The following SRGAP3 variants were observed in gnomAD, a reference collection of about 807,000 sequenced individuals.
SRGAP3 encodes the protein SLIT-ROBO Rho GTPase-activating protein 3.
Under a neutral mutation model 121.1 loss-of-function variants are expected in SRGAP3, and 39 were observed. The ratio of observed to expected loss-of-function variants is 0.32; its 90% CI spans 0.25 to 0.42. The LOEUF (loss-of-function observed/expected upper bound fraction) is 0.42, where lower values mean the gene tolerates loss of function less well. SRGAP3 is among the 10% of genes least tolerant of loss of function. The pLI, the probability that SRGAP3 is intolerant of heterozygous loss-of-function variation, is 1.00. For synonymous variants in SRGAP3, 601 were observed against 570.0 expected (o/e 1.05, Z -0.77); for missense variants, 1,213 against 1,470.6 (o/e 0.82, Z 2.86).
At chr3:9,073,191 T>G (rs530408813) in intron 4 of SRGAP3, among the ~76,000 whole-genome samples, 2 of 152,380 alleles carry the variant, frequency 1.3e-5, no homozygotes, top group Non-Finnish European at 2.9e-5. Flanking sequence ...TCCCCCAGGC[T>G]GGAGTGCAGT....
intron 1 of SRGAP3, among the ~76,000 whole-genome samples, chr3:9,170,376 A>G (rs1950932865): frequency 1.3e-5 from 2 of 152,150 alleles, no homozygotes; most frequent in Admixed American, 1.3e-4. Flanking sequence ...AAACACTCAC[A>G]TGACAGCCTC....
rs1459473898 is a variant in SRGAP3 at position 9,356,277 on chromosome 3, C to T, written n.214+6563G>A. ...CACGATCTTGGCTCACTGCAACCTC[C>T]ACCTCCCAGGCTCAAGCAATCCTCC... On this transcript the variant is annotated intron_variant and non_coding_transcript_variant, in intron 1 of 3. Transcript: ENST00000490889. Among the ~76,000 whole-genome samples, 5 of 149,458 alleles carry T rather than the reference C, an allele frequency of 3.3e-5. No individual in the cohort carries two copies. The East Asian group carries it at 9.7e-4, about 29-fold the overall frequency.
At chr3:9,288,148 T>TC (rs1553567475) in intron 3 of SRGAP3, among the ~76,000 whole-genome samples, 82 of 150,596 alleles carry the variant, frequency 5.4e-4, no homozygotes, top group Non-Finnish European at 7.8e-4. Context: ...TTTTTTTTTT[T>TC]CTTTGGAGAC....
At chr3:9,083,817 G>A (rs549292563) in intron 3 of SRGAP3, among the ~76,000 whole-genome samples, 1 of 151,968 alleles carries the variant, frequency 6.6e-6, no homozygotes, top group Non-Finnish European at 1.5e-5. Context: ...TCCCTCACAC[G>A]CTCCTGACTC....
chr3:9,198,932 C>G (rs1456198174), intron 1 of SRGAP3, among the ~76,000 whole-genome samples: 1 of 152,204 alleles, frequency 6.6e-6, no homozygotes, highest in East Asian at 1.9e-4. Context: ...GGGCAGCAAG[C>G]AGACACACTG....
intron 5 of SRGAP3, 145 bp from the exon 6 acceptor site, chr3:9,060,504 T>G: frequency 8.8e-7 from 1 of 1,142,160 alleles, no homozygotes; most frequent in Non-Finnish European, 1.2e-6. Flanking sequence ...ATAGCTCACT[T>G]CAGCCTTAAC....
chr3:9,291,799 C>A (rs577993207), intron 3 of SRGAP3, among the ~76,000 whole-genome samples: 1 of 152,060 alleles, frequency 6.6e-6, no homozygotes, highest in Non-Finnish European at 1.5e-5. Flanking sequence ...ATAGTTTATA[C>A]CCTTTCAGCA....
At chr3:9,078,461 C>T (rs1051253157) in intron 4 of SRGAP3, among the ~76,000 whole-genome samples, 5 of 152,100 alleles carry the variant, frequency 3.3e-5, no homozygotes, top group Non-Finnish European at 5.9e-5. Flanking sequence ...ACCCTTCCCC[C>T]CACCGTGAGT....
In SRGAP3 at chr3:9,037,903, G is replaced by A. The variant is rs576846179; in HGVS notation, c.1436+160C>T. ...TCAGTCTAATGCTAGAACAAGCAAA[G>A]CAGCAACTGTGCCTCACCTGGGCAC... On this transcript the variant is annotated intron_variant, in intron 11 of 21. Coordinates refer to ENST00000383836, the MANE Select transcript of SRGAP3 (RefSeq NM_014850.4). 6.7e-5 allele frequency: 62 copies of A among 929,826 alleles called. No homozygotes were observed. The African/African-American group carries it at 8.6e-4, about 13-fold the overall frequency. The allele number at this position is 929,826 out of a possible 1,614,324, so 57.6% of individuals were successfully genotyped here.
At chr3:9,138,044 C>T (rs1355898773) in intron 1 of SRGAP3, among the ~76,000 whole-genome samples, 2 of 152,196 alleles carry the variant, frequency 1.3e-5, no homozygotes, top group Non-Finnish European at 2.9e-5. Context: ...TTTCCAGCTG[C>T]GTCCTCTGAC....
intron 1 of SRGAP3, among the ~76,000 whole-genome samples, chr3:9,136,135 C>G (rs561713029): frequency 7.9e-5 from 12 of 152,328 alleles, no homozygotes; most frequent in African/African-American, 2.6e-4. Context: ...TGTGCTGGTT[C>G]CCCTTCCCCG....
intron 3 of SRGAP3, among the ~76,000 whole-genome samples, chr3:9,313,678 T>TA (rs200875584): frequency 0.044 from 6,122 of 138,376 alleles, 265 homozygotes; most frequent in African/African-American, 0.11. Context: ...CTCTATGTCT[T>TA]AAAAAAAAAA....
intron 1 of SRGAP3, among the ~76,000 whole-genome samples, chr3:9,203,167 C>T (rs1288753279): frequency 1.3e-5 from 2 of 152,184 alleles, no homozygotes; most frequent in African/African-American, 4.8e-5. Flanking sequence ...TTGTCCTCTT[C>T]AAACTGGAGG....
intron 3 of SRGAP3, among the ~76,000 whole-genome samples, chr3:9,273,001 GT>G (rs1954507762): frequency 6.6e-6 from 1 of 152,118 alleles, no homozygotes; most frequent in Non-Finnish European, 1.5e-5. Context: ...TATTGCAGTG[GT>G]TCCCAACCTT....
intron 21 of SRGAP3, among the ~76,000 whole-genome samples, chr3:8,990,288 T>C (rs548453489): frequency 6.6e-6 from 1 of 152,318 alleles, no homozygotes; most frequent in South Asian, 2.1e-4. Context: ...CCCTGGACAC[T>C]GGGGGTGTTC....
intron 9 of SRGAP3, 123 bp from the exon 10 acceptor site, chr3:9,047,598 G>A (rs999036507): frequency 2.9e-5 from 26 of 906,532 alleles, no homozygotes; most frequent in African/African-American, 1.6e-4. Context: ...CAGGGACCCC[G>A]GCGCAGGGAA....
At chr3:9,026,774 C>T (rs73144015) in intron 13 of SRGAP3, among the ~76,000 whole-genome samples, 161 bp downstream of exon 13, 6,313 of 152,246 alleles carry the variant, frequency 0.041, 444 homozygotes, top group African/African-American at 0.14. Flanking sequence ...GGCTCAAAAG[C>T]AGCACTCAGA....
chr3:9,006,496 A>C (rs1372466929), intron 18 of SRGAP3, among the ~76,000 whole-genome samples: 1 of 145,994 alleles, frequency 6.8e-6, no homozygotes, highest in Admixed American at 6.8e-5. Context: ...ACCATCAAAA[A>C]CCTCACCTTA....
rs776901886 is a variant in SRGAP3 at position 9,206,886 on chromosome 3, G to A, written c.67+41999C>T. 1.3e-4 allele frequency among the ~76,000 whole-genome samples: 20 copies of A among 152,062 alleles called. 1 individual carries two copies. Among genetic ancestry groups the A allele is most frequent in the Admixed American group, 1.0e-3 (16 of 15,284 alleles). ...TCTATTTCATGACAGTCTGCCTCCC[G>A]CTCCTGAGGTAACTCCAGGAGGGCA... On this transcript the variant is annotated intron_variant, in intron 1 of 21. Coordinates refer to ENST00000383836, the MANE Select transcript of SRGAP3 (RefSeq NM_014850.4).
Sources: allele counts gnomAD v4.1 joint callset (sites outside exome capture counted in the v4.1 genomes callset), GRCh38; gene constraint gnomAD v4.1.1; transcripts MANE v1.5; gene names NCBI Gene and HGNC (gene_info 2026-07-23, HGNC 2026-07-21).